Variants in METTL15 observed in about 807,000 individuals in gnomAD.
The protein encoded by METTL15 is methyltransferase 15, mitochondrial 12S rRNA N4-cytidine.
A neutral mutation model predicts 38.3 loss-of-function variants in METTL15; 34 were observed. The ratio of observed to expected loss-of-function variants is 0.89; its 90% CI spans 0.68 to 1.18. The LOEUF is 1.18. Ranked by LOEUF, METTL15 falls within the 50% of genes most tolerant of loss-of-function variation. The pLI, the probability that METTL15 is intolerant of heterozygous loss-of-function variation, is 0.00. For missense variants in METTL15, 438 were observed against 498.4 expected (o/e 0.88, Z 1.15); for synonymous variants, 162 against 170.9 (o/e 0.95, Z 0.41).
chr11:28,408,165 G>T (rs902471514), intron 5 of METTL15, among the ~76,000 whole-genome samples: 1 of 152,088 alleles, frequency 6.6e-6, no homozygotes. Flanking sequence ...GGTTCAGGGG[G>T]TGGGGTGGGG....
intron 4 of METTL15, among the ~76,000 whole-genome samples, chr11:28,216,860 C>G (rs1447784094): frequency 1.3e-5 from 2 of 150,216 alleles, no homozygotes; most frequent in African/African-American, 4.9e-5. Flanking sequence ...TGGTTTCCAG[C>G]CTCATCCATG....
chr11:28,138,744 C>A (rs770175877), intron 3 of METTL15, among the ~76,000 whole-genome samples: 7 of 152,170 alleles, frequency 4.6e-5, no homozygotes, highest in Non-Finnish European at 7.3e-5. Flanking sequence ...GAAGGTACTG[C>A]CACGTGGTTA....
At chr11:28,393,014 A>G (rs909757493) in intron 5 of METTL15, among the ~76,000 whole-genome samples, 6 of 152,086 alleles carry the variant, frequency 3.9e-5, no homozygotes, top group Non-Finnish European at 7.4e-5. Flanking sequence ...GCAAAACAGA[A>G]CATAACCAGT....
At chr11:28,268,195 T>TTA (rs1487480419) in intron 4 of METTL15, among the ~76,000 whole-genome samples, 1 of 5,972 alleles carries the variant, frequency 1.7e-4, no homozygotes, top group Non-Finnish European at 4.0e-4. Context: ...AGACTCCGTC[T>TTA]CAAAAAAAAA....
At chr11:28,205,385 C>G (rs1852287985) in intron 3 of METTL15, among the ~76,000 whole-genome samples, 1 of 151,672 alleles carries the variant, frequency 6.6e-6, no homozygotes, top group East Asian at 1.9e-4. Context: ...CAATAGTTTA[C>G]TGAGAATGAT....
chr11:28,159,228 G>A lies in METTL15; in HGVS notation c.270+45624G>A, dbSNP rs571057935. Among the ~76,000 whole-genome samples, 3 of 152,220 alleles carry A rather than the reference G, an allele frequency of 2.0e-5. No homozygotes were observed. In the South Asian group the frequency reaches 6.2e-4, roughly 32 times the overall value. On this transcript the variant is annotated intron_variant, in intron 3 of 6. Coordinates refer to ENST00000407364, the MANE Select transcript of METTL15 (RefSeq NM_001113528.2). ...GAAGGGAGATACAGTGTTGGCTGGG[G>A]TGATTGACCTGGACTATGAAGATGA...
chr11:28,373,747 A>C (rs1035116635), intron 5 of METTL15, among the ~76,000 whole-genome samples: 1 of 152,146 alleles, frequency 6.6e-6, no homozygotes, highest in African/African-American at 2.4e-5. Flanking sequence ...GCCCGTGCCT[A>C]TGTCCTGAAT....
At chr11:28,414,573 A>G (rs1015484488) in intron 5 of METTL15, among the ~76,000 whole-genome samples, 1 of 152,180 alleles carries the variant, frequency 6.6e-6, no homozygotes, top group Admixed American at 6.5e-5. Flanking sequence ...GCATTTTCTC[A>G]GAGGTTCTAT....
At chr11:28,310,443 A>G (rs535115144) in intron 6 of METTL15, among the ~76,000 whole-genome samples, 3 of 152,090 alleles carry the variant, frequency 2.0e-5, no homozygotes, top group African/African-American at 7.2e-5. Flanking sequence ...TTGCTTCTCA[A>G]TTCCCTAAAG....
At chr11:28,440,173 A>T (rs1202269148) in intron 6 of METTL15, among the ~76,000 whole-genome samples, 2 of 152,158 alleles carry the variant, frequency 1.3e-5, no homozygotes, top group African/African-American at 4.8e-5. Context: ...ATCTTCTTGC[A>T]TGCCCAATTA....
chr11:28,311,263 C>G (rs1270587857), intron 6 of METTL15, among the ~76,000 whole-genome samples: 1 of 152,040 alleles, frequency 6.6e-6, no homozygotes, highest in Non-Finnish European at 1.5e-5. Flanking sequence ...TCAAATCATT[C>G]AAATAAATGT....
intron 6 of METTL15, among the ~76,000 whole-genome samples, chr11:28,304,494 G>C (rs143542774): frequency 6.4e-4 from 98 of 152,200 alleles, no homozygotes; most frequent in Non-Finnish European, 1.1e-3. Context: ...AAAGCAAGCT[G>C]ATCTTGAGTC....
chr11:28,296,622 T>G, intron 5 of METTL15, 131 bp from the exon 6 acceptor site: 1 of 862,740 alleles, frequency 1.2e-6, no homozygotes, highest in Non-Finnish European at 1.8e-6. Flanking sequence ...AGGTTTCAGT[T>G]TCTGACTTTA....
chr11:28,134,401 C>T, intron 3 of METTL15: 1 of 396,236 alleles, frequency 2.5e-6, no homozygotes, highest in Non-Finnish European at 4.4e-6. Flanking sequence ...TATGTGGGCT[C>T]TTAGTTGGCG....
intron 3 of METTL15, among the ~76,000 whole-genome samples, chr11:28,338,556 A>G (rs932402807): frequency 1.2e-4 from 18 of 152,186 alleles, no homozygotes; most frequent in Admixed American, 1.1e-3. Context: ...ATGGTGACTC[A>G]TGTGAATTGT....
At chr11:28,181,259 A>ATTT (rs71449171) in intron 3 of METTL15, among the ~76,000 whole-genome samples, 3 of 133,796 alleles carry the variant, frequency 2.2e-5, no homozygotes, top group Non-Finnish European at 4.7e-5. Flanking sequence ...TTAATTTTTA[A>ATTT]TTTTTTTTTT....
intron 5 of METTL15, among the ~76,000 whole-genome samples, chr11:28,384,678 G>A (rs1196936088): frequency 2.6e-5 from 4 of 152,080 alleles, no homozygotes; most frequent in African/African-American, 4.8e-5. Context: ...TTGCTGGATC[G>A]ACTGGTAGTT....
At chr11:28,511,821 C>G (rs1312413915) in intron 6 of METTL15, among the ~76,000 whole-genome samples, 1 of 152,176 alleles carries the variant, frequency 6.6e-6, no homozygotes, top group African/African-American at 2.4e-5. Context: ...TGGAAGGGGA[C>G]TAGAACGGGT....
intron 6 of METTL15, among the ~76,000 whole-genome samples, chr11:28,461,709 C>A (rs914757987): frequency 1.3e-5 from 2 of 151,978 alleles, no homozygotes; most frequent in Admixed American, 6.6e-5. Context: ...ATTCTAAACT[C>A]TATAAAGCAT....
Sources: gnomAD v4.1 joint callset for allele counts (sites outside exome capture counted in the v4.1 genomes callset) on GRCh38, gnomAD v4.1.1 for gene constraint, MANE v1.5 for transcripts, NCBI Gene and HGNC (gene_info 2026-07-23, HGNC 2026-07-21) for gene names.